The following ZNF362 variants were observed in gnomAD, a reference collection of about 807,000 sequenced individuals.
The protein encoded by ZNF362 is rotund homolog.
ZNF362 carries 11 observed loss-of-function variants against 42.9 expected under a neutral mutation model. That is an observed-to-expected ratio of 0.26 (90% CI 0.16 to 0.42). The LOEUF is 0.42. Ranked by LOEUF, ZNF362 falls within the 20% of genes least tolerant of loss-of-function variation. The pLI is 1.00. For synonymous variants in ZNF362, 255 were observed against 257.3 expected (o/e 0.99, Z 0.09); for missense variants, 362 against 576.2 (o/e 0.63, Z 3.81).
chr1:33,173,315 G>A, the ZNF362 span, among the ~76,000 whole-genome samples: 1 of 152,188 alleles, frequency 6.6e-6, no homozygotes, highest in Admixed American at 6.5e-5. Flanking sequence ...TGCAGACCTG[G>A]CCGGGCTGCA....
chr1:33,225,057 C>T, the ZNF362 span, among the ~76,000 whole-genome samples: 1 of 152,196 alleles, frequency 6.6e-6, no homozygotes, highest in Non-Finnish European at 1.5e-5. Context: ...CTCTTCCCTT[C>T]ACTCATTTAA....
At chr1:33,199,323 A>AT in the ZNF362 span, among the ~76,000 whole-genome samples, 1,022 of 152,032 alleles carry the variant, frequency 6.7e-3, 11 homozygotes, top group African/African-American at 0.024. Flanking sequence ...ATGACAGTAG[A>AT]TTTTTTTTTA....
the ZNF362 span, among the ~76,000 whole-genome samples, chr1:33,249,528 G>A: frequency 6.6e-6 from 1 of 152,150 alleles, no homozygotes; most frequent in Non-Finnish European, 1.5e-5. Context: ...TCTCCCCAGA[G>A]AAAGTGATAG....
chr1:33,255,069 T>C (rs1316333183), upstream of ZNF362, among the ~76,000 whole-genome samples: 1 of 152,134 alleles, frequency 6.6e-6, no homozygotes, highest in African/African-American at 2.4e-5. Flanking sequence ...TTCCAACTAA[T>C]TCATGCCACA....
chr1:33,270,590 C>T lies in ZNF362; in HGVS notation c.16C>T (p.Pro6Ser), dbSNP rs761494281. The T allele has an allele frequency of 1.2e-5, 19 of 1,610,694 alleles. No individual in the cohort carries two copies. Among genetic ancestry groups the T allele is most frequent in the South Asian group, 5.5e-5 (5 of 90,958 alleles). The change falls in exon 2 of 9, where the codon CCA (proline) becomes TCA (serine). Residue 6 changes from proline (P) to serine (S), a missense_variant. Physicochemically the swap from Pro to Ser is moderately conservative, Grantham distance 74. This residue lies in a region of ZNF362 where 266 missense variants were observed against 365.4 expected (regional missense o/e 0.73). Coordinates refer to ENST00000539719, the MANE Select transcript of ZNF362 (RefSeq NM_152493.3). ...GTCTTGAAGGATGAGTAGAAGTTCA[C>T]CAAGTGGGAAAGGACACTCTAGGTA... is the stretch of plus-strand genomic sequence containing the variant. Reference protein sequence around the residue: MSRSSPSGKGHSRMAE... With the variant: MSRSSSSGKGHSRMAE...
chr1:33,140,106 G>A, the ZNF362 span, among the ~76,000 whole-genome samples: 1 of 152,098 alleles, frequency 6.6e-6, no homozygotes, highest in Admixed American at 6.5e-5. This position sits in a 1 kb window ranked among gnomAD's most constrained non-coding sequence, Gnocchi z 4.0. Context: ...GTCCCTAAGA[G>A]GAAAGAGGGG....
the ZNF362 span, among the ~76,000 whole-genome samples, chr1:33,220,809 A>G: frequency 6.6e-6 from 1 of 152,176 alleles, no homozygotes; most frequent in South Asian, 2.1e-4. Flanking sequence ...GAAGCAACCC[A>G]GCGGGTGTGG....
chr1:33,280,283 C>T lies in ZNF362; in HGVS notation c.509C>T (p.Pro170Leu). ...ACCCTCATCTCAGGGATCACCAGCC[C>T]CCCTCTCCTGGACTCCATCAAGACA... ...SPTLISGITS[P>L]PLLDSIKTIQ... The change falls in exon 5 of 9, where the codon CCC (proline) becomes CTC (leucine). Residue 170 changes from proline to leucine, a missense_variant. By Grantham distance (98) the Pro-to-Leu change is moderately conservative (BLOSUM62 -3). Around this residue, in one of 3 missense-constraint regions of ZNF362, gnomAD observed 266 missense variants for 365.4 expected, o/e 0.73. Transcript: ENST00000539719. The surrounding 1 kb of genome is among the most constrained non-coding windows in gnomAD (Gnocchi z 5.6). 6.2e-7 allele frequency: 1 copy of T among 1,614,050 alleles called. No homozygotes were observed. The highest frequency in any genetic ancestry group is 8.5e-7 in the Non-Finnish European group (1 of 1,179,922).
the ZNF362 span, among the ~76,000 whole-genome samples, chr1:33,175,315 T>C: frequency 6.6e-6 from 1 of 152,066 alleles, no homozygotes; most frequent in African/African-American, 2.4e-5. Flanking sequence ...GTGCTGGGAT[T>C]ACAGGCGTGG....
the ZNF362 span, among the ~76,000 whole-genome samples, chr1:33,240,307 C>T: frequency 1.3e-5 from 2 of 152,148 alleles, no homozygotes; most frequent in Non-Finnish European, 2.9e-5. Flanking sequence ...GGCAGCGAGT[C>T]GCGCTTTTTA....
At chr1:33,244,658 C>T in the ZNF362 span, among the ~76,000 whole-genome samples, 10 of 152,208 alleles carry the variant, frequency 6.6e-5, no homozygotes, top group Admixed American at 2.6e-4. The surrounding 1 kb of genome is among the most constrained non-coding windows in gnomAD (Gnocchi z 4.0). Flanking sequence ...TTGCCTCAGG[C>T]TCCACAATTT....
At chr1:33,237,839 C>T in the ZNF362 span, among the ~76,000 whole-genome samples, 1 of 152,150 alleles carries the variant, frequency 6.6e-6, no homozygotes, top group African/African-American at 2.4e-5. Context: ...AGGGAAACCT[C>T]GAAGGCTGTG....
intron 7 of ZNF362, 33 bp from the exon 8 acceptor site, chr1:33,295,114 T>G: frequency 2.5e-6 from 4 of 1,607,652 alleles, no homozygotes; most frequent in Non-Finnish European, 3.4e-6. Flanking sequence ...GGGAGCCCTG[T>G]TCCTCTCCTG....
Position 33,299,348 on chromosome 1 carries a change from CG to C in ZNF362, c.*303del, listed in dbSNP as rs1410768080. 3 of 141,944 alleles carry C rather than the reference CG, an allele frequency of 2.1e-5. No homozygotes were observed. Among genetic ancestry groups the C allele is most frequent in the Middle Eastern group, 2.1e-3 (1 of 486 alleles). 8.8% of individuals were successfully genotyped at this position (141,944 alleles called of 1,614,324 possible). On this transcript the variant is annotated 3_prime_UTR_variant, in exon 9 of 9. Coordinates refer to ENST00000539719, the MANE Select transcript of ZNF362 (RefSeq NM_152493.3). ...CTTGCTTCACTGTTTTTTTTTTTTT[CG>C]TTTTTTTTTTTTAAGTTTGTTTTGG...
the ZNF362 span, among the ~76,000 whole-genome samples, chr1:33,218,012 C>G: frequency 6.6e-6 from 1 of 152,170 alleles, no homozygotes; most frequent in Non-Finnish European, 1.5e-5. Context: ...AATCCAGTTA[C>G]GTCTTTATTT....
chr1:33,158,392 G>C, the ZNF362 span: 4 of 1,602,588 alleles, frequency 2.5e-6, no homozygotes, highest in Non-Finnish European at 2.6e-6. Flanking sequence ...AGGAAAGGGG[G>C]CTGCACCAGG....
upstream of ZNF362, among the ~76,000 whole-genome samples, chr1:33,253,676 T>A (rs1461419559): frequency 6.6e-6 from 1 of 152,046 alleles, no homozygotes; most frequent in African/African-American, 2.4e-5. Flanking sequence ...GCCTCTCCAT[T>A]CTAAACTTCT....
the ZNF362 span, among the ~76,000 whole-genome samples, chr1:33,209,298 G>A: frequency 1.6e-4 from 25 of 152,188 alleles, no homozygotes; most frequent in Non-Finnish European, 2.8e-4. Flanking sequence ...TAAGCTTTTA[G>A]ATGTGCTGCT....
chr1:33,295,593 C>T (rs1398606632), intron 8 of ZNF362, among the ~76,000 whole-genome samples: 1 of 134,610 alleles, frequency 7.4e-6, no homozygotes, highest in Non-Finnish European at 1.7e-5. Flanking sequence ...AGGCTTTTCA[C>T]CTGCTCCGCA....
Sources: allele counts gnomAD v4.1 joint callset (sites outside exome capture counted in the v4.1 genomes callset), GRCh38; gene constraint gnomAD v4.1.1; regional missense constraint gnomAD v4.1.1; non-coding constraint Gnocchi (gnomAD v3.1); transcripts MANE v1.5; gene names NCBI Gene and HGNC (gene_info 2026-07-23, HGNC 2026-07-21).